ACOXL: variants seen among roughly 807,000 people sequenced by gnomAD.
The protein encoded by ACOXL is acyl-coenzyme A oxidase-like protein.
A neutral mutation model predicts 71.9 loss-of-function variants in ACOXL; 70 were observed. The ratio of observed to expected loss-of-function variants is 0.97; its 90% CI spans 0.80 to 1.19. ACOXL has a LOEUF of 1.19. Ranked by LOEUF, ACOXL falls within the 50% of genes most tolerant of loss-of-function variation. ACOXL has a pLI of 0.00. For synonymous variants in ACOXL, 253 were observed against 281.6 expected (o/e 0.90, Z 1.02); for missense variants, 703 against 736.3 (o/e 0.95, Z 0.52).
chr2:110,993,590 C>G (rs2063270411), intron 13 of ACOXL, among the ~76,000 whole-genome samples: 1 of 152,200 alleles, frequency 6.6e-6, no homozygotes, highest in Admixed American at 6.5e-5. Context: ...CCGCTATGAG[C>G]ATTCTTGTAT....
intron 1 of ACOXL, among the ~76,000 whole-genome samples, chr2:110,733,519 A>G (rs1676457987): frequency 6.6e-6 from 1 of 152,168 alleles, no homozygotes; most frequent in African/African-American, 2.4e-5. Flanking sequence ...AGTTGGAGGC[A>G]TGCTTTGGAG....
intron 10 of ACOXL, among the ~76,000 whole-genome samples, chr2:110,871,145 A>C (rs911467609): frequency 1.3e-5 from 2 of 152,144 alleles, no homozygotes; most frequent in African/African-American, 4.8e-5. Flanking sequence ...ATGTCATTTG[A>C]TAGGAGACGT....
chr2:111,093,695 T>TTG, intron 17 of ACOXL: 3 of 623,024 alleles, frequency 4.8e-6, no homozygotes, highest in South Asian at 2.8e-5. Context: ...TGAAACCCTG[T>TTG]CTACTAAAAT....
At chr2:110,976,403 T>C (rs1194116138) in intron 12 of ACOXL, among the ~76,000 whole-genome samples, 1 of 152,256 alleles carries the variant, frequency 6.6e-6, no homozygotes, top group East Asian at 1.9e-4. Flanking sequence ...TAAAATGGAA[T>C]AATACCTTTA....
chr2:110,818,547 G>GTA (rs1365302898), intron 9 of ACOXL, among the ~76,000 whole-genome samples: 4 of 148,996 alleles, frequency 2.7e-5, no homozygotes, highest in Admixed American at 6.7e-5. Flanking sequence ...GTATAAGTAG[G>GTA]TATATATATG....
At chr2:110,886,240 C>T (rs1378826323) in intron 10 of ACOXL, among the ~76,000 whole-genome samples, 3 of 152,148 alleles carry the variant, frequency 2.0e-5, no homozygotes, top group Non-Finnish European at 2.9e-5. Flanking sequence ...TTAAACCATA[C>T]ACATATATTA....
At chr2:111,073,195 A>G (rs2067423811) in intron 16 of ACOXL, among the ~76,000 whole-genome samples, 1 of 152,182 alleles carries the variant, frequency 6.6e-6, no homozygotes, top group Non-Finnish European at 1.5e-5. Context: ...ATCTTCTCCC[A>G]TTGTATAGTA....
At chr2:111,092,263 G>A (rs1388889735) in intron 16 of ACOXL, among the ~76,000 whole-genome samples, 13 of 152,140 alleles carry the variant, frequency 8.5e-5, no homozygotes, top group Non-Finnish European at 1.9e-4. Flanking sequence ...AGAGTTACGT[G>A]AATAAACAGT....
intron 1 of ACOXL, among the ~76,000 whole-genome samples, chr2:110,754,597 A>AT (rs1421453104): frequency 6.6e-6 from 1 of 152,136 alleles, no homozygotes; most frequent in African/African-American, 2.4e-5. Context: ...TGAGATTGGC[A>AT]TTTTTTCACT....
At chr2:110,884,243 G>A (rs1005655042) in intron 10 of ACOXL, among the ~76,000 whole-genome samples, 1 of 152,208 alleles carries the variant, frequency 6.6e-6, no homozygotes, top group Non-Finnish European at 1.5e-5. Flanking sequence ...ACTATGTAAG[G>A]AAGCTAAAGA....
At chr2:110,782,848 T>C (rs2105148791) in intron 2 of ACOXL, among the ~76,000 whole-genome samples, 1 of 152,284 alleles carries the variant, frequency 6.6e-6, no homozygotes, top group Admixed American at 6.5e-5. Flanking sequence ...AGAGCTGGCA[T>C]CAAGGAAGGG....
At chr2:110,966,848 A>G (rs771566737) in intron 12 of ACOXL, among the ~76,000 whole-genome samples, 9 of 152,210 alleles carry the variant, frequency 5.9e-5, no homozygotes, top group Non-Finnish European at 1.2e-4. Flanking sequence ...TGTCTCCAAC[A>G]AGGCAATGTG....
chr2:110,979,950 G>A (rs1228708264), intron 12 of ACOXL, among the ~76,000 whole-genome samples: 1 of 152,190 alleles, frequency 6.6e-6, no homozygotes, highest in Non-Finnish European at 1.5e-5. Flanking sequence ...TGGCCATGGG[G>A]GTTATGAGGG....
rs1200364210 is a variant in ACOXL, at chr2:110,732,884, G to A, written c.-23+110G>A. 2.6e-5 allele frequency: 4 copies of A among 152,272 alleles called. No homozygotes were observed. In the East Asian group the frequency reaches 5.8e-4, roughly 22 times the overall value. The allele number at this position is 152,272 out of a possible 1,614,324, so 9.4% of individuals were successfully genotyped here. On this transcript the variant is annotated intron_variant, in intron 1 of 17. Transcript: ENST00000439055. ...AACGCCCTGGCGAGGGCGAGGTGGG[G>A]TGTGCGCCGCGCCTGAGAGGCGGGT...
chr2:110,979,131 A>G (rs1385820105), intron 12 of ACOXL, among the ~76,000 whole-genome samples: 1 of 152,164 alleles, frequency 6.6e-6, no homozygotes, highest in Non-Finnish European at 1.5e-5. Flanking sequence ...AGGTGGACAC[A>G]TCCACTTCCC....
intron 9 of ACOXL, among the ~76,000 whole-genome samples, chr2:110,828,325 A>T (rs2105596611): frequency 6.6e-6 from 1 of 152,278 alleles, no homozygotes; most frequent in African/African-American, 2.4e-5. Context: ...GCTTTTATAC[A>T]CAGGGTTCTA....
At chr2:110,949,969 C>T (rs968626579) in intron 12 of ACOXL, among the ~76,000 whole-genome samples, 6 of 152,110 alleles carry the variant, frequency 3.9e-5, no homozygotes, top group Non-Finnish European at 8.8e-5. Context: ...AATGAATGTT[C>T]TACACTTAAC....
At chr2:111,045,733 A>T (rs17041825) in intron 15 of ACOXL, among the ~76,000 whole-genome samples, 2,417 of 152,116 alleles carry the variant, frequency 0.016, 72 homozygotes, top group African/African-American at 0.056. Flanking sequence ...TGTCACACTG[A>T]CATCTGGGGT....
At position 110,798,814 on chromosome 2, in the gene ACOXL, G is replaced by A. The variant is rs560010490; in HGVS notation, c.460+90G>A. ...CATTTCACAGAGCTGCTTTTATCTTGTAAATAATTCAGTACTAACTTTATC... is the reference window on the plus strand; with the variant it reads ...CATTTCACAGAGCTGCTTTTATCTTATAAATAATTCAGTACTAACTTTATC... On this transcript the variant is annotated intron_variant, in intron 6 of 17. Transcript: ENST00000439055. The A allele has an allele frequency of 1.3e-4, 172 of 1,311,008 alleles. 2 individuals carry two copies. The South Asian group carries it at 1.4e-3, about 11-fold the overall frequency. 81.2% of individuals were successfully genotyped at this position (1,311,008 alleles called of 1,614,324 possible). A position where few individuals can be genotyped will look rare whatever the true frequency, so the allele number is the denominator to read the frequency against.
Sources: gnomAD v4.1 joint callset for allele counts (sites outside exome capture counted in the v4.1 genomes callset) on GRCh38, gnomAD v4.1.1 for gene constraint, MANE v1.5 for transcripts, NCBI Gene and HGNC (gene_info 2026-07-23, HGNC 2026-07-21) for gene names.